SYCP1: variants seen among roughly 807,000 people sequenced by gnomAD.
SYCP1 encodes the protein cancer/testis antigen 8.
SYCP1 carries 64 observed loss-of-function variants against 153.1 expected under a neutral mutation model. That is an observed-to-expected ratio of 0.42 (90% CI 0.34 to 0.51). SYCP1 has a LOEUF of 0.51. SYCP1 is among the 20% of genes least tolerant of loss of function. The pLI is 0.06. For missense variants in SYCP1, 997 were observed against 1,049.0 expected (o/e 0.95, Z 0.68); for synonymous variants, 384 against 341.8 (o/e 1.12, Z -1.36).
At chr1:114,895,380 T>C (rs1666989981) in intron 15 of SYCP1, 68 bp from the exon 16 acceptor site, 1 of 1,063,654 alleles carries the variant, frequency 9.4e-7, no homozygotes, top group Non-Finnish European at 1.3e-6. Flanking sequence ...ATTATGCTTG[T>C]TCCTTCTGTC....
intron 24 of SYCP1, 74 bp downstream of exon 24, chr1:114,944,529 G>T: frequency 1.1e-6 from 1 of 920,110 alleles, no homozygotes. Flanking sequence ...TAAGAGGAAA[G>T]TAAAAAAATC....
intron 28 of SYCP1, among the ~76,000 whole-genome samples, chr1:114,978,954 G>GT (rs1335903562): frequency 6.6e-6 from 1 of 151,594 alleles, no homozygotes; most frequent in Non-Finnish European, 1.5e-5. Flanking sequence ...TATTATGAAA[G>GT]TATGTATCAC....
chr1:114,987,344 AC>A (rs1361084168), intron 30 of SYCP1, among the ~76,000 whole-genome samples: 1 of 152,000 alleles, frequency 6.6e-6, no homozygotes, highest in South Asian at 2.1e-4. Flanking sequence ...TTCCAGAGTT[AC>A]CAAAGTATAA....
chr1:114,965,291 T>C (rs1672045271), intron 27 of SYCP1, among the ~76,000 whole-genome samples: 1 of 152,206 alleles, frequency 6.6e-6, no homozygotes, highest in African/African-American at 2.4e-5. Flanking sequence ...TATACAATCA[T>C]GTCTTCTGCA....
At chr1:114,895,882 A>G (rs561836192) in intron 16 of SYCP1, among the ~76,000 whole-genome samples, 1 of 152,296 alleles carries the variant, frequency 6.6e-6, no homozygotes, top group South Asian at 2.1e-4. Flanking sequence ...AGGTAAAATC[A>G]TGTTTAGTGA....
chr1:114,986,421 T>A (rs1457740301), intron 30 of SYCP1, among the ~76,000 whole-genome samples: 1 of 151,998 alleles, frequency 6.6e-6, no homozygotes, highest in Non-Finnish European at 1.5e-5. Context: ...GCAGTTTGAG[T>A]TTAGGCCAAT....
rs1206452471 is a variant in SYCP1, at chr1:114,878,316, A to G, written c.910+114A>G. The stretch of plus-strand genomic sequence containing the variant: ...ATGCTTTCTAGTACTGTACTTCTCA[A>G]TCTGAGTTGGTTCGGTTGGAGGAGG... On this transcript the variant is annotated intron_variant, in intron 12 of 31. Transcript: ENST00000369522. The G allele has an allele frequency of 8.5e-6, 6 of 709,888 alleles. No individual in the cohort carries two copies. In the East Asian group the frequency reaches 9.1e-5, roughly 11 times the overall value. 44.0% of individuals were successfully genotyped at this position (709,888 alleles called of 1,614,324 possible).
chr1:114,896,055 CTTTTAT>C (rs1166132717), intron 16 of SYCP1, among the ~76,000 whole-genome samples: 1 of 152,156 alleles, frequency 6.6e-6, no homozygotes. Flanking sequence ...TGCCTTCTCT[CTTTTAT>C]TTTTAAGAAC....
At position 114,926,553 on chromosome 1, in the gene SYCP1, A is replaced by G. The variant is rs750459044; in HGVS notation, c.1916A>G (p.Tyr639Cys). Reference protein sequence around the residue: ...GTAESKQLNVYEIKVNKLELE... With the variant: ...GTAESKQLNVCEIKVNKLELE... ...GCAGAAAGCAAGCAACTGAATGTTT[A>G]TGAGATAAAGGTATTTGGCATCTTT... The change falls in exon 23 of 32, where the codon TAT (tyrosine) becomes TGT (cysteine). Residue 639 changes from tyrosine to cysteine, a missense_variant. Tyr to Cys is a radical substitution (Grantham distance 194). This residue lies in a region of SYCP1 where 712 missense variants were observed against 682.9 expected (regional missense o/e 1.04). Coordinates refer to ENST00000369522, the MANE Select transcript of SYCP1 (RefSeq NM_003176.4). The G allele has an allele frequency of 6.3e-7, 1 of 1,597,924 alleles. No homozygotes were observed. Among genetic ancestry groups the G allele is most frequent in the South Asian group, 1.1e-5 (1 of 87,490 alleles).
chr1:114,898,774 A>C (rs1667227592), intron 16 of SYCP1, among the ~76,000 whole-genome samples: 1 of 152,194 alleles, frequency 6.6e-6, no homozygotes, highest in Admixed American at 6.5e-5. Context: ...CTATTTCTAC[A>C]TAGGACTTCT....
chr1:114,916,066 T>C (rs967534778), intron 20 of SYCP1, among the ~76,000 whole-genome samples: 24 of 152,210 alleles, frequency 1.6e-4, no homozygotes, highest in African/African-American at 5.8e-4. Flanking sequence ...CAGCTTCCCA[T>C]AGGTGTACCC....
intron 27 of SYCP1, among the ~76,000 whole-genome samples, chr1:114,961,444 G>C (rs911423103): frequency 3.4e-4 from 51 of 152,160 alleles, no homozygotes; most frequent in African/African-American, 1.1e-3. Flanking sequence ...TTGTCTATTT[G>C]TGCTCTTTCA....
rs199813501 is a variant in SYCP1, at chr1:114,881,054, T to TACACAC, written c.910+2853_910+2854insCACACA. Among the ~76,000 whole-genome samples the TACACAC allele has an allele frequency of 7.7e-3, 602 of 77,926 alleles. 6 individuals carry two copies. Among genetic ancestry groups the TACACAC allele is most frequent in the South Asian group, 0.029 (90 of 3,054 alleles). The allele number at this position is 77,926 out of a possible 152,430, so 51.1% of individuals were successfully genotyped here. ...GCTGAACAGTATTCCAATTTGTGTA[T>TACACAC]ATACACACACACACACACACACACA... On this transcript the variant is annotated intron_variant, in intron 12 of 31. Coordinates refer to ENST00000369522, the MANE Select transcript of SYCP1 (RefSeq NM_003176.4).
At chr1:114,878,483 A>G (rs1169463323) in intron 12 of SYCP1, among the ~76,000 whole-genome samples, 1 of 152,084 alleles carries the variant, frequency 6.6e-6, no homozygotes, top group Non-Finnish European at 1.5e-5. Flanking sequence ...CTGACTTGGA[A>G]CTGTTGCATT....
intron 12 of SYCP1, among the ~76,000 whole-genome samples, chr1:114,883,486 T>A (rs923407933): frequency 6.6e-6 from 1 of 152,220 alleles, no homozygotes. Flanking sequence ...AAGGCCTGAA[T>A]TAGCAGTATA....
intron 6 of SYCP1, 44 bp from the exon 7 acceptor site, chr1:114,859,699 G>T: frequency 2.1e-6 from 2 of 959,478 alleles, no homozygotes; most frequent in East Asian, 8.7e-5. Context: ...GTTTATTTTT[G>T]CTAATAAGCA....
At chr1:114,891,069 C>T (rs372629714) in intron 15 of SYCP1, among the ~76,000 whole-genome samples, 2 of 152,100 alleles carry the variant, frequency 1.3e-5, no homozygotes, top group Non-Finnish European at 2.9e-5. Flanking sequence ...TTTGCTTTGC[C>T]TTTCTTTAAT....
At chr1:114,957,091 G>T (rs945715620) in intron 27 of SYCP1, among the ~76,000 whole-genome samples, 3 of 148,230 alleles carry the variant, frequency 2.0e-5, no homozygotes, top group South Asian at 2.2e-4. Context: ...TAGAAACAGG[G>T]TTTCTCTCTC....
At chr1:114,903,194 C>T (rs1667589058) in intron 16 of SYCP1, among the ~76,000 whole-genome samples, 1 of 151,974 alleles carries the variant, frequency 6.6e-6, no homozygotes, top group African/African-American at 2.4e-5. Flanking sequence ...CAAAAACAAA[C>T]ATTTGTTGAG....
Sources: allele counts gnomAD v4.1 joint callset (sites outside exome capture counted in the v4.1 genomes callset), GRCh38; gene constraint gnomAD v4.1.1; regional missense constraint gnomAD v4.1.1; transcripts MANE v1.5; gene names NCBI Gene and HGNC (gene_info 2026-07-23, HGNC 2026-07-21).